The following GALNTL6 variants were observed in gnomAD, a reference collection of about 807,000 sequenced individuals.
GALNTL6 encodes polypeptide N-acetylgalactosaminyltransferase-like 6.
In GALNTL6, 46 loss-of-function variants were observed where a neutral mutation model predicts 73.7. The observed-to-expected ratio is 0.62, with a 90% CI of 0.49 to 0.80. The LOEUF (loss-of-function observed/expected upper bound fraction) is 0.80, where lower values mean the gene tolerates loss of function less well. GALNTL6 is among the 30% of genes least tolerant of loss of function. The probability of loss-of-function intolerance (pLI) is 0.00; values close to 1 mark genes in which losing one functional copy is unlikely to be tolerated. For missense variants in GALNTL6, 604 were observed against 755.0 expected (o/e 0.80, Z 2.34); for synonymous variants, 259 against 263.7 (o/e 0.98, Z 0.17).
intron 5 of GALNTL6, among the ~76,000 whole-genome samples, chr4:172,583,745 C>A (rs539188930): frequency 6.6e-6 from 1 of 151,632 alleles, no homozygotes; most frequent in East Asian, 1.9e-4. Flanking sequence ...ACTAAAAATA[C>A]AAAAATTATC....
At chr4:172,497,222 A>G (rs1160836225) in intron 5 of GALNTL6, among the ~76,000 whole-genome samples, 3 of 152,238 alleles carry the variant, frequency 2.0e-5, no homozygotes, top group African/African-American at 4.8e-5. Flanking sequence ...TAAGTATTTA[A>G]GCACAATTAT....
At chr4:172,745,621 TA>T (rs564867841) in intron 5 of GALNTL6, among the ~76,000 whole-genome samples, 35 of 151,992 alleles carry the variant, frequency 2.3e-4, no homozygotes, top group African/African-American at 8.2e-4. Flanking sequence ...GGTGAGACAT[TA>T]CAGTGACTTA....
At chr4:171,828,590 A>G (rs1267865523) in intron 2 of GALNTL6, among the ~76,000 whole-genome samples, 1 of 152,144 alleles carries the variant, frequency 6.6e-6, no homozygotes, top group African/African-American at 2.4e-5. Context: ...GCAGTACGCT[A>G]CATGTCTTTT....
chr4:172,828,710 A>G (rs1742418356), intron 7 of GALNTL6, among the ~76,000 whole-genome samples: 1 of 152,256 alleles, frequency 6.6e-6, no homozygotes, highest in African/African-American at 2.4e-5. Flanking sequence ...TATTTAAAAT[A>G]TGATAACTAA....
At chr4:171,841,232 G>A (rs1328636639) in intron 2 of GALNTL6, among the ~76,000 whole-genome samples, 1 of 152,046 alleles carries the variant, frequency 6.6e-6, no homozygotes, top group African/African-American at 2.4e-5. Flanking sequence ...ATGATTATCA[G>A]GATGAAGAAT....
intron 2 of GALNTL6, among the ~76,000 whole-genome samples, chr4:171,996,723 CAAA>C (rs35734964): frequency 1.2e-4 from 11 of 94,164 alleles, no homozygotes; most frequent in Admixed American, 3.2e-4. Flanking sequence ...AGCTGACGAG[CAAA>C]AAAAAAAAAA....
intron 2 of GALNTL6, among the ~76,000 whole-genome samples, chr4:171,889,720 G>T (rs763352292): frequency 5.9e-5 from 9 of 151,984 alleles, no homozygotes; most frequent in Non-Finnish European, 1.3e-4. Flanking sequence ...AAACTTTCTT[G>T]TAACATAGAT....
At chr4:172,370,369 T>C (rs1742750864) in intron 5 of GALNTL6, among the ~76,000 whole-genome samples, 2 of 152,034 alleles carry the variant, frequency 1.3e-5, no homozygotes, top group African/African-American at 2.4e-5. Context: ...GGAGAAGCCA[T>C]GTTGCCCAAC....
intron 5 of GALNTL6, among the ~76,000 whole-genome samples, chr4:172,786,165 A>T (rs2110913705): frequency 6.6e-6 from 1 of 152,360 alleles, no homozygotes; most frequent in Admixed American, 6.5e-5. Flanking sequence ...CGCTCTAATC[A>T]GCTGGCTGGC....
At chr4:172,484,296 A>T (rs1215211470) in intron 5 of GALNTL6, among the ~76,000 whole-genome samples, 1 of 152,222 alleles carries the variant, frequency 6.6e-6, no homozygotes, top group Non-Finnish European at 1.5e-5. Context: ...AGATTTTAGG[A>T]AAATATATTC....
chr4:172,817,856 G>A (rs1741697119), intron 7 of GALNTL6, among the ~76,000 whole-genome samples: 1 of 152,148 alleles, frequency 6.6e-6, no homozygotes, highest in Non-Finnish European at 1.5e-5. Context: ...TGACAGAAAT[G>A]TTTTCCCTTG....
chr4:172,673,084 T>C (rs1003204370), intron 5 of GALNTL6, among the ~76,000 whole-genome samples: 5 of 152,230 alleles, frequency 3.3e-5, no homozygotes, highest in African/African-American at 9.6e-5. Context: ...CTCTTGATTC[T>C]CTAGTTCTTT....
intron 5 of GALNTL6, among the ~76,000 whole-genome samples, chr4:172,552,629 G>T (rs913278219): frequency 3.3e-5 from 5 of 151,500 alleles, no homozygotes; most frequent in Non-Finnish European, 7.4e-5. Flanking sequence ...ATGTCTACCC[G>T]CTCTATATAC....
intron 5 of GALNTL6, among the ~76,000 whole-genome samples, chr4:172,790,493 C>G (rs1739931352): frequency 6.6e-6 from 1 of 152,160 alleles, no homozygotes. Flanking sequence ...AAGGACCTCA[C>G]CAGAAACTAA....
intron 8 of GALNTL6, among the ~76,000 whole-genome samples, chr4:172,902,746 C>G (rs1365236074): frequency 6.6e-6 from 1 of 152,262 alleles, no homozygotes; most frequent in East Asian, 1.9e-4. Context: ...CCCACCTATG[C>G]GGTAAGCTTA....
chr4:172,221,723 G>C (rs1736682339), intron 2 of GALNTL6, among the ~76,000 whole-genome samples: 1 of 151,752 alleles, frequency 6.6e-6, no homozygotes. Flanking sequence ...CTTTCCTGCT[G>C]AGCTAACAGG....
At chr4:172,003,997 T>C (rs1187660055) in intron 2 of GALNTL6, among the ~76,000 whole-genome samples, 3 of 152,158 alleles carry the variant, frequency 2.0e-5, no homozygotes, top group African/African-American at 4.8e-5. Context: ...TCAGAGAATA[T>C]GAATCAAGTT....
At chr4:172,781,932 T>A (rs1440661626) in intron 5 of GALNTL6, among the ~76,000 whole-genome samples, 1 of 151,040 alleles carries the variant, frequency 6.6e-6, no homozygotes, top group Non-Finnish European at 1.5e-5. Flanking sequence ...AAATTATATA[T>A]TTAAAAATAT....
At chr4:172,552,409 A>G (rs181032609) in intron 5 of GALNTL6, among the ~76,000 whole-genome samples, 2 of 152,240 alleles carry the variant, frequency 1.3e-5, no homozygotes, top group Non-Finnish European at 2.9e-5. Context: ...GTGCAAATAT[A>G]TATTTTTTCT....
Sources: gnomAD v4.1 joint callset for allele counts (sites outside exome capture counted in the v4.1 genomes callset) on GRCh38, gnomAD v4.1.1 for gene constraint, MANE v1.5 for transcripts, NCBI Gene and HGNC (gene_info 2026-07-23, HGNC 2026-07-21) for gene names.